The following SLC35F1 variants were observed in gnomAD, a reference collection of about 807,000 sequenced individuals.
SLC35F1 encodes the protein chromosome 6 open reading frame 169.
A neutral mutation model predicts 48.7 loss-of-function variants in SLC35F1; 14 were observed. That is an observed-to-expected ratio of 0.29 (90% CI 0.19 to 0.45). The LOEUF is 0.45. SLC35F1 is among the 20% of genes least tolerant of loss of function. The probability of loss-of-function intolerance (pLI) is 1.00; values close to 1 mark genes in which losing one functional copy is unlikely to be tolerated. For missense variants in SLC35F1, 404 were observed against 500.0 expected (o/e 0.81, Z 1.83); for synonymous variants, 190 against 202.2 (o/e 0.94, Z 0.51).
At chr6:118,243,948 G>C (rs1487420358) in intron 3 of SLC35F1, among the ~76,000 whole-genome samples, 2 of 152,180 alleles carry the variant, frequency 1.3e-5, no homozygotes, top group African/African-American at 4.8e-5. Context: ...TGCCCCCAAA[G>C]GGAACATGAT....
At chr6:118,014,385 G>T (rs894575367) in intron 1 of SLC35F1, among the ~76,000 whole-genome samples, 1 of 152,108 alleles carries the variant, frequency 6.6e-6, no homozygotes, top group Non-Finnish European at 1.5e-5. Flanking sequence ...TGTGAGAAAT[G>T]GTGGGCTCTA....
At chr6:118,202,097 T>G (rs1339676696) in intron 2 of SLC35F1, among the ~76,000 whole-genome samples, 1 of 152,222 alleles carries the variant, frequency 6.6e-6, no homozygotes, top group Non-Finnish European at 1.5e-5. Context: ...GATATAGGTT[T>G]TCATTGGTAT....
chr6:118,217,634 A>G (rs2114558113), intron 2 of SLC35F1, among the ~76,000 whole-genome samples: 1 of 152,314 alleles, frequency 6.6e-6, no homozygotes, highest in Non-Finnish European at 1.5e-5. Context: ...TACGCTGTGT[A>G]TATTTTACCA....
intron 7 of SLC35F1, among the ~76,000 whole-genome samples, chr6:118,286,608 G>A: frequency 6.6e-6 from 1 of 152,092 alleles, no homozygotes; most frequent in Non-Finnish European, 1.5e-5. Context: ...CAGGAATAAA[G>A]TTCCTATTTT....
In SLC35F1 at chr6:118,266,435, G is replaced by C. The variant is rs185750498; in HGVS notation, c.478-560G>C. On this transcript the variant is annotated intron_variant, in intron 3 of 7. Transcript: ENST00000360388. The stretch of plus-strand genomic sequence containing the variant: ...AGACTCATATTTGTATTTATATTTA[G>C]AGCACTTTTTTATTTTAAGAATGAA... Among the ~76,000 whole-genome samples the C allele has an allele frequency of 1.1e-3, 168 of 151,848 alleles. 1 individual carries two copies. The highest frequency in any genetic ancestry group is 3.9e-3 in the African/African-American group (160 of 41,396).
At chr6:118,009,060 T>C (rs9387535) in intron 1 of SLC35F1, among the ~76,000 whole-genome samples, 35,213 of 152,126 alleles carry the variant, frequency 0.23, 4,205 homozygotes, top group East Asian at 0.3. Context: ...TATCACTTTC[T>C]GTATCTATGT....
At chr6:118,006,843 C>T (rs1777179982) in intron 1 of SLC35F1, among the ~76,000 whole-genome samples, 1 of 152,046 alleles carries the variant, frequency 6.6e-6, no homozygotes, top group East Asian at 1.9e-4. Flanking sequence ...GTTCTTTAAC[C>T]ACTTGTTAAC....
chr6:118,253,207 G>A (rs568573036), intron 3 of SLC35F1, among the ~76,000 whole-genome samples: 1 of 152,084 alleles, frequency 6.6e-6, no homozygotes, highest in South Asian at 2.1e-4. Flanking sequence ...AGAGATGAGA[G>A]TAGATGCAGG....
intron 1 of SLC35F1, among the ~76,000 whole-genome samples, chr6:118,049,501 C>T (rs1772352541): frequency 6.6e-6 from 1 of 152,016 alleles, no homozygotes; most frequent in Admixed American, 6.6e-5. Context: ...CTACAATGAA[C>T]TCAAACAAAT....
chr6:117,998,897 C>T, intron 1 of SLC35F1: 1 of 703,910 alleles, frequency 1.4e-6, no homozygotes, highest in Non-Finnish European at 2.6e-6. Context: ...CATTCAAAAG[C>T]TAGCAGAAGG....
chr6:118,149,559 G>C (rs576240163), intron 1 of SLC35F1, among the ~76,000 whole-genome samples: 34 of 152,230 alleles, frequency 2.2e-4, no homozygotes, highest in African/African-American at 7.0e-4. Flanking sequence ...AGATGTGCAG[G>C]CTGCAATAGC....
chr6:117,927,840 A>G (rs1304784963), intron 1 of SLC35F1, among the ~76,000 whole-genome samples: 2 of 152,202 alleles, frequency 1.3e-5, no homozygotes, highest in Non-Finnish European at 2.9e-5. Context: ...TTGCCTACAA[A>G]GCAGCCTTGT....
chr6:117,952,546 G>T (rs993660464), intron 1 of SLC35F1, among the ~76,000 whole-genome samples: 8 of 152,256 alleles, frequency 5.3e-5, no homozygotes, highest in African/African-American at 1.9e-4. Context: ...TGCCTTGGCT[G>T]GTGTCTGTAA....
intron 1 of SLC35F1, among the ~76,000 whole-genome samples, chr6:117,946,943 A>G (rs1357952058): frequency 1.3e-5 from 2 of 152,270 alleles, no homozygotes; most frequent in East Asian, 3.9e-4. Flanking sequence ...GCACATTTTT[A>G]GGTTTTGAGA....
intron 1 of SLC35F1, among the ~76,000 whole-genome samples, chr6:117,995,967 T>A (rs1288965954): frequency 9.2e-5 from 14 of 152,136 alleles, no homozygotes; most frequent in Non-Finnish European, 2.1e-4. Flanking sequence ...GTCAATGAAA[T>A]AAAATTACAG....
intron 7 of SLC35F1, among the ~76,000 whole-genome samples, chr6:118,301,486 G>C (rs191843453): frequency 1.3e-5 from 2 of 152,218 alleles, no homozygotes; most frequent in Non-Finnish European, 2.9e-5. Context: ...CAGTGTTAAG[G>C]GGGGGTATGA....
chr6:118,192,762 C>G (rs906866269), intron 2 of SLC35F1, among the ~76,000 whole-genome samples: 1 of 152,090 alleles, frequency 6.6e-6, no homozygotes, highest in Non-Finnish European at 1.5e-5. Flanking sequence ...CAATGCTTCC[C>G]TTATAACTTA....
intron 7 of SLC35F1, among the ~76,000 whole-genome samples, chr6:118,290,798 AT>A (rs67467513): frequency 0.097 from 13,742 of 142,342 alleles, 673 homozygotes; most frequent in Middle Eastern, 0.15. Flanking sequence ...AAAATCGACT[AT>A]TTTTTTTTTT....
At chr6:118,130,939 C>T (rs961972868) in intron 1 of SLC35F1, among the ~76,000 whole-genome samples, 6 of 152,082 alleles carry the variant, frequency 3.9e-5, no homozygotes, top group Non-Finnish European at 7.4e-5. Context: ...ATTTTTCATG[C>T]AATTACTTCA....
Sources: gnomAD v4.1 joint callset for allele counts (sites outside exome capture counted in the v4.1 genomes callset) on GRCh38, gnomAD v4.1.1 for gene constraint, MANE v1.5 for transcripts, NCBI Gene and HGNC (gene_info 2026-07-23, HGNC 2026-07-21) for gene names.